DNAH10: variants seen among roughly 807,000 people sequenced by gnomAD.
DNAH10 encodes dynein axonemal heavy chain 10.
In DNAH10, 348 loss-of-function variants were observed where a neutral mutation model predicts 506.6. The ratio of observed to expected loss-of-function variants is 0.69; its 90% CI spans 0.63 to 0.75. The LOEUF (loss-of-function observed/expected upper bound fraction) is 0.75, where lower values mean the gene tolerates loss of function less well. DNAH10 is among the 30% of genes least tolerant of loss of function. The pLI is 0.00. For synonymous variants in DNAH10, 2,059 were observed against 2,198.6 expected, an observed-to-expected ratio of 0.94 and a Z score of 1.78; for missense variants, 5,179 against 5,787.1, an observed-to-expected ratio of 0.89 and a Z score of 3.41.
intron 1 of DNAH10, among the ~76,000 whole-genome samples, chr12:123,766,614 G>A (rs1388046962): frequency 2.6e-5 from 4 of 152,108 alleles, no homozygotes; most frequent in Admixed American, 6.6e-5. Context: ...AATAATGTCT[G>A]TCTATCCTTG....
chr12:123,910,996 A>T (rs1477140108), intron 59 of DNAH10, among the ~76,000 whole-genome samples: 2 of 151,860 alleles, frequency 1.3e-5, no homozygotes, highest in Non-Finnish European at 2.9e-5. Context: ...ACTTGAGCCC[A>T]GGAGTTTGAA....
chr12:123,854,590 G>C (rs1344130235), intron 36 of DNAH10, among the ~76,000 whole-genome samples: 1 of 152,160 alleles, frequency 6.6e-6, no homozygotes, highest in Non-Finnish European at 1.5e-5. Context: ...CGAGAAAGAG[G>C]TAAAAAACAG....
chr12:123,793,598 A>G (rs574650166), intron 11 of DNAH10, among the ~76,000 whole-genome samples: 7 of 152,242 alleles, frequency 4.6e-5, no homozygotes, highest in East Asian at 3.9e-4. Flanking sequence ...TCGGCCTCCC[A>G]AAGTACTGGG....
chr12:123,810,716 C>T (rs1442098865), intron 19 of DNAH10, among the ~76,000 whole-genome samples: 4 of 151,930 alleles, frequency 2.6e-5, no homozygotes, highest in African/African-American at 9.7e-5. Context: ...GTTGAATAAA[C>T]GGTACATGTT....
intron 4 of DNAH10, 127 bp downstream of exon 4, chr12:123,773,069 A>T (rs536188845): frequency 4.6e-6 from 3 of 656,308 alleles, no homozygotes; most frequent in Non-Finnish European, 7.8e-6. Flanking sequence ...TTTCTTTTCC[A>T]TACTGTACTG....
Position 123,929,399 on chromosome 12 carries a change from T to C in DNAH10, c.12431T>C (p.Phe4144Ser). The C allele has an allele frequency of 1.9e-6, 3 of 1,613,684 alleles. No homozygotes were observed. Among genetic ancestry groups the C allele is most frequent in the Non-Finnish European group, 2.5e-6 (3 of 1,179,800 alleles). The change falls in exon 71 of 79, where the codon TTC becomes TCC. Residue 4144 changes from phenylalanine (F) to serine (S), a missense_variant. Phe to Ser is a radical substitution (Grantham distance 155). This residue lies in a region of DNAH10 where 4,844 missense variants were observed against 5,430.5 expected (regional missense o/e 0.89). Transcript: ENST00000673944. ...AAGCCGCTGGTCTACGTGCTGGCGT[T>C]CTTTCATGCTGTGGTGCAGGAGAGA... ...AFKPLVYVLAFFHAVVQERRK... is the reference protein window; with the variant it reads ...AFKPLVYVLASFHAVVQERRK...
chr12:123,931,032 A>C (rs1202275804), intron 73 of DNAH10, among the ~76,000 whole-genome samples: 1 of 152,104 alleles, frequency 6.6e-6, no homozygotes, highest in Non-Finnish European at 1.5e-5. Flanking sequence ...AAAATAAACA[A>C]AAAATCAAAA....
intron 67 of DNAH10, among the ~76,000 whole-genome samples, chr12:123,924,849 T>G (rs1017930545): frequency 2.0e-5 from 3 of 152,238 alleles, no homozygotes; most frequent in Admixed American, 2.0e-4. Flanking sequence ...CACTGGGGAC[T>G]CAGTGAATAA....
At position 123,804,950 on chromosome 12, in the gene DNAH10, A is replaced by G. The variant is rs1412057168; in HGVS notation, c.2897A>G (p.His966Arg). Reference sequence around the variant, plus strand: ...ACCAAAGTTGAGGGCCTGGTCGTCCACACCAACACAGGCAAGGCCCCCAAG... The same window carrying G: ...ACCAAAGTTGAGGGCCTGGTCGTCCGCACCAACACAGGCAAGGCCCCCAAG... ...LLTKVEGLVV[H>R]TNTGKAPKLA... Residue 966 changes from histidine to arginine, a missense_variant, in exon 18 of 79, where the codon CAC (histidine) becomes CGC (arginine). Physicochemically the swap from His to Arg is conservative, Grantham distance 29. Coordinates refer to ENST00000673944, the MANE Select transcript of DNAH10 (RefSeq NM_001372106.1). The G allele has an allele frequency of 1.9e-6, 3 of 1,614,216 alleles. No individual in the cohort carries two copies. Among genetic ancestry groups the G allele is most frequent in the Admixed American group, 1.7e-5 (1 of 60,018 alleles).
rs1450760907 is a variant in DNAH10, at chr12:123,826,858, C to G, written c.4351C>G (p.Pro1451Ala). The G allele has an allele frequency of 1.2e-6, 2 of 1,613,738 alleles. No individual in the cohort carries two copies. The highest frequency in any genetic ancestry group is 2.2e-5 in the East Asian group (1 of 44,898). Residue 1451 changes from proline to alanine, a missense_variant, in exon 25 of 79, where the codon CCT (proline) becomes GCT (alanine). Pro to Ala is a conservative substitution (Grantham distance 27, BLOSUM62 -1). Coordinates refer to ENST00000673944, the MANE Select transcript of DNAH10 (RefSeq NM_001372106.1). The stretch of plus-strand genomic sequence containing the variant: ...AATGAAGGCATTCAAAGACTCGATT[C>G]CTTTACTTCTTGACTTGAAAAACGA... ...AKMKAFKDSI[P>A]LLLDLKNEAL...
chr12:123,777,037 G>A (rs1188019835), intron 5 of DNAH10, among the ~76,000 whole-genome samples: 2 of 152,138 alleles, frequency 1.3e-5, no homozygotes, highest in African/African-American at 4.8e-5. Context: ...AGATAGGGTG[G>A]CCAGGAAGAC....
chr12:123,840,096 C>T (rs546977582), intron 29 of DNAH10, among the ~76,000 whole-genome samples: 5 of 152,000 alleles, frequency 3.3e-5, no homozygotes, highest in Admixed American at 1.3e-4. Context: ...CAGGACATTA[C>T]GTAGCATCCC....
intron 36 of DNAH10, among the ~76,000 whole-genome samples, chr12:123,854,069 G>GTTT (rs10648649): frequency 0.062 from 7,248 of 116,642 alleles, 231 homozygotes; most frequent in Middle Eastern, 0.1. Flanking sequence ...ACACATTTGG[G>GTTT]TTTTTTTTTT....
chr12:123,890,565 C>T (rs962185285), intron 52 of DNAH10, among the ~76,000 whole-genome samples: 3 of 152,012 alleles, frequency 2.0e-5, no homozygotes, highest in Non-Finnish European at 2.9e-5. Context: ...AGATTACAGG[C>T]GTGAGCCACT....
At chr12:123,934,084 T>C in intron 77 of DNAH10, 1 of 604,934 alleles carries the variant, frequency 1.7e-6, no homozygotes, top group South Asian at 1.9e-5. Context: ...GCAGGGACTC[T>C]CCAGGTCTCA....
chr12:123,767,500 G>A (rs1436717199), intron 1 of DNAH10, 106 bp from the exon 2 acceptor site: 1 of 1,041,582 alleles, frequency 9.6e-7, no homozygotes, highest in Non-Finnish European at 1.4e-6. Flanking sequence ...AGTCTCCTGT[G>A]GGCCACATAC....
intron 30 of DNAH10, among the ~76,000 whole-genome samples, chr12:123,844,893 G>T (rs1465745186): frequency 6.6e-6 from 1 of 151,990 alleles, no homozygotes; most frequent in African/African-American, 2.4e-5. Flanking sequence ...CCCCAGCTTG[G>T]CCTCCCATAA....
Position 123,909,157 on chromosome 12 carries a change from C to T in DNAH10, c.9816-104C>T. The T allele has an allele frequency of 6.9e-7, 1 of 1,449,246 alleles. No homozygotes were observed. The highest frequency in any genetic ancestry group is 9.4e-7 in the Non-Finnish European group (1 of 1,063,720). 89.8% of individuals were successfully genotyped at this position (1,449,246 alleles called of 1,614,324 possible). A position where few individuals can be genotyped will look rare whatever the true frequency, so the allele number is the denominator to read the frequency against. ...TTTCGTTTGCTTGCAGCAGTAGCTC[C>T]AGGGACTGTCTTTTGGTTGAGCTCG... On this transcript the variant is annotated intron_variant, in intron 57 of 78. Transcript: ENST00000673944. The surrounding 1 kb of genome is among the most constrained non-coding windows in gnomAD (Gnocchi z 5.4).
chr12:123,887,304 C>G lies in DNAH10; in HGVS notation c.8986C>G (p.Leu2996Val). 6.2e-7 allele frequency: 1 copy of G among 1,613,340 alleles called. No individual in the cohort carries two copies. The highest frequency in any genetic ancestry group is 8.5e-7 in the Non-Finnish European group (1 of 1,179,668). ...CTTCCTGGAGCTCATCAACAACATG[C>G]TGACCTCAGGTACAGCCAAGGCTGG... ...EGFLELINNMLTSGIVPALFS... is the reference protein window; with the variant it reads ...EGFLELINNMVTSGIVPALFS... Residue 2996 changes from leucine (L) to valine (V), a missense_variant, in exon 52 of 79, where the codon CTG becomes GTG. Leu to Val is a conservative substitution (Grantham distance 32). Coordinates refer to ENST00000673944, the MANE Select transcript of DNAH10 (RefSeq NM_001372106.1).
Sources: allele counts gnomAD v4.1 joint callset (sites outside exome capture counted in the v4.1 genomes callset), GRCh38; gene constraint gnomAD v4.1.1; regional missense constraint gnomAD v4.1.1; non-coding constraint Gnocchi (gnomAD v3.1); transcripts MANE v1.5; gene names NCBI Gene and HGNC (gene_info 2026-07-23, HGNC 2026-07-21).